UNC13B: variants seen among roughly 807,000 people sequenced by gnomAD.
The protein encoded by UNC13B is protein unc-13 homolog B.
Under a neutral mutation model 211.0 loss-of-function variants are expected in UNC13B, and 144 were observed. That is an observed-to-expected ratio of 0.68 (90% CI 0.60 to 0.78). The LOEUF (loss-of-function observed/expected upper bound fraction) is 0.78. UNC13B is among the 30% of genes least tolerant of loss of function. The probability of loss-of-function intolerance (pLI) is 0.00; values close to 1 mark genes in which losing one functional copy is unlikely to be tolerated. For synonymous variants in UNC13B, 709 were observed against 725.8 expected, an observed-to-expected ratio of 0.98 and a Z score of 0.37; for missense variants, 1,777 against 2,002.0, an observed-to-expected ratio of 0.89 and a Z score of 2.14.
chr9:35,279,403 C>G (rs147045959), intron 7 of UNC13B, among the ~76,000 whole-genome samples: 1 of 152,132 alleles, frequency 6.6e-6, no homozygotes, highest in Admixed American at 6.6e-5. Flanking sequence ...AATACTAATT[C>G]ATTGTACAGA....
At position 35,208,667 on chromosome 9, in the gene UNC13B, A is replaced by G. The variant is rs181606826; in HGVS notation, c.23-19348A>G. Among the ~76,000 whole-genome samples, 36 of 152,212 alleles carry G rather than the reference A, an allele frequency of 2.4e-4. 1 individual carries two copies. Among genetic ancestry groups the G allele is most frequent in the African/African-American group, 2.4e-5 (1 of 41,532 alleles). On this transcript the variant is annotated intron_variant, in intron 1 of 39. Transcript: ENST00000635942. Reference sequence around the variant, plus strand: ...AAACAACCAGATTTCATAACTCCTCATTCACTTGCCATCACCAGAACAGCA... The same window carrying G: ...AAACAACCAGATTTCATAACTCCTCGTTCACTTGCCATCACCAGAACAGCA...
At position 35,399,193 on chromosome 9, in the gene UNC13B, C is replaced by T. The variant is rs781569714; in HGVS notation, c.12107C>T (p.Thr4036Met). The change falls in exon 34 of 40, where the codon ACG becomes ATG. Residue 4036 changes from threonine (T) to methionine (M), a missense_variant. Thr to Met is a moderately conservative substitution (Grantham distance 81). Coordinates refer to ENST00000635942, the MANE Select transcript of UNC13B (RefSeq NM_001371189.2). ...LTLFATVCEK[T>M]VLKRVLKELW... is the part of the protein sequence containing the mutation. ...CTCTTTGCCACTGTGTGTGAGAAGACGGTTCTGAAGCGTGTACTGAAGGAG... is the reference window on the plus strand; with the variant it reads ...CTCTTTGCCACTGTGTGTGAGAAGATGGTTCTGAAGCGTGTACTGAAGGAG... 72 of 1,614,008 alleles carry T rather than the reference C, an allele frequency of 4.5e-5. No homozygotes were observed. The highest frequency in any genetic ancestry group is 5.4e-5 in the Non-Finnish European group (64 of 1,180,034).
chr9:35,277,469 C>T (rs1404248659), intron 7 of UNC13B, among the ~76,000 whole-genome samples: 1 of 152,192 alleles, frequency 6.6e-6, no homozygotes, highest in Non-Finnish European at 1.5e-5. Context: ...AGATGCCAGA[C>T]AGAGAACTGT....
intron 6 of UNC13B, among the ~76,000 whole-genome samples, chr9:35,247,519 A>G (rs1826176680): frequency 6.6e-6 from 1 of 152,108 alleles, no homozygotes; most frequent in African/African-American, 2.4e-5. Context: ...TTATTTTGAG[A>G]TACGTCCCAT....
chr9:35,190,483 G>A (rs1822592956), intron 1 of UNC13B, among the ~76,000 whole-genome samples: 1 of 152,152 alleles, frequency 6.6e-6, no homozygotes, highest in Non-Finnish European at 1.5e-5. Flanking sequence ...CTGAGCCTTT[G>A]ATTTTGAGAG....
At position 35,305,063 on chromosome 9, in the gene UNC13B, C is replaced by T. The variant is rs1052043168; in HGVS notation, c.5659C>T (p.Pro1887Ser). ...TACAACAGACTCTATTTCAGTTTCT[C>T]CTGCACCTCAGCATAGTGGGGATGA... ...IITTDSISVS[P>S]APQHSGDERE... Residue 1887 changes from proline to serine, a missense_variant, in exon 9 of 40, where the codon CCT becomes TCT. Transcript: ENST00000635942. The T allele has an allele frequency of 2.5e-6, 1 of 398,800 alleles. No individual in the cohort carries two copies. Among genetic ancestry groups the T allele is most frequent in the African/African-American group, 2.1e-5 (1 of 48,606 alleles). 24.7% of individuals were successfully genotyped at this position (398,800 alleles called of 1,614,324 possible).
intron 1 of UNC13B, among the ~76,000 whole-genome samples, chr9:35,162,772 C>G (rs1373769367): frequency 1.3e-5 from 2 of 152,212 alleles, no homozygotes; most frequent in Non-Finnish European, 2.9e-5. Flanking sequence ...GTCTTGTCCC[C>G]TGCCACTTCC....
In UNC13B at chr9:35,382,518, T is replaced by C. The variant is rs762130275; in HGVS notation, c.10806+11T>C. 3 of 1,603,668 alleles carry C rather than the reference T, an allele frequency of 1.9e-6. No individual in the cohort carries two copies. Among genetic ancestry groups the C allele is most frequent in the African/African-American group, 1.3e-5 (1 of 74,228 alleles). The stretch of plus-strand genomic sequence containing the variant: ...GCCTCCAACTTTGGGGTAAGTATCA[T>C]GTAAACACATATGTCTGCATTTGTT... On this transcript the variant is annotated intron_variant, in intron 21 of 39. Transcript: ENST00000635942.
Position 35,399,464 on chromosome 9 carries a change from G to A in UNC13B, c.12255+16G>A, listed in dbSNP as rs755827331. ...CAAACTCAAGGTACTCTGGGTGTGGGGTCCTCCTGGCAGGTGTGGTCCTTC... is the reference window on the plus strand; with the variant it reads ...CAAACTCAAGGTACTCTGGGTGTGGAGTCCTCCTGGCAGGTGTGGTCCTTC... On this transcript the variant is annotated intron_variant, in intron 35 of 39. Coordinates refer to ENST00000635942, the MANE Select transcript of UNC13B (RefSeq NM_001371189.2). 1.9e-6 allele frequency: 3 copies of A among 1,614,082 alleles called. No individual in the cohort carries two copies. Among genetic ancestry groups the A allele is most frequent in the South Asian group, 1.1e-5 (1 of 91,070 alleles).
rs1334938207 is a variant in UNC13B at position 35,305,462 on chromosome 9, A to G, written c.6058A>G (p.Met2020Val). Residue 2020 changes from methionine to valine, a missense_variant, in exon 9 of 40, where the codon ATG (methionine) becomes GTG (valine). Met to Val is a conservative substitution (Grantham distance 21). Transcript: ENST00000635942. ...TGAGGTCAGGTCAAGTCCTACTCCT[A>G]TGGAGCTAGCTAGCCAGGGTGCTGG... ...KDEVRSSPTP[M>V]ELASQGAGNF... The G allele has an allele frequency of 1.8e-5, 7 of 398,984 alleles. No individual in the cohort carries two copies. Among genetic ancestry groups the G allele is most frequent in the Non-Finnish European group, 3.1e-5 (7 of 226,036 alleles). The allele number at this position is 398,984 out of a possible 1,614,324, so 24.7% of individuals were successfully genotyped here. A position where few individuals can be genotyped will look rare whatever the true frequency, so the allele number is the denominator to read the frequency against.
intron 11 of UNC13B, among the ~76,000 whole-genome samples, chr9:35,329,680 G>C (rs1256031927): frequency 6.6e-6 from 1 of 151,922 alleles, no homozygotes; most frequent in Non-Finnish European, 1.5e-5. Flanking sequence ...GTGGAGATGG[G>C]GTTTCTCTAT....
intron 6 of UNC13B, among the ~76,000 whole-genome samples, chr9:35,253,327 A>G (rs2131599632): frequency 6.6e-6 from 1 of 152,054 alleles, no homozygotes; most frequent in African/African-American, 2.4e-5. Context: ...TTTTTTGTGG[A>G]GGTGGGGTCT....
chr9:35,400,655 T>C (rs1364044952), intron 37 of UNC13B, among the ~76,000 whole-genome samples: 3 of 152,196 alleles, frequency 2.0e-5, no homozygotes, highest in South Asian at 4.1e-4. Flanking sequence ...CTGGGAAATA[T>C]GTCTAAGATT....
chr9:35,343,536 C>A (rs1209400364), intron 11 of UNC13B, among the ~76,000 whole-genome samples: 1 of 152,082 alleles, frequency 6.6e-6, no homozygotes, highest in Non-Finnish European at 1.5e-5. Flanking sequence ...TAGGCTGGGG[C>A]CTTGATACTT....
intron 11 of UNC13B, among the ~76,000 whole-genome samples, chr9:35,358,785 C>T (rs1242932802): frequency 2.0e-5 from 3 of 151,122 alleles, no homozygotes; most frequent in Non-Finnish European, 4.4e-5. Context: ...CCTCCGCCTC[C>T]TGAGTTCGAG....
intron 6 of UNC13B, among the ~76,000 whole-genome samples, 189 bp from the exon 7 acceptor site, chr9:35,258,796 CCAGGGCCA>C (rs1420927523): frequency 1.3e-5 from 2 of 152,204 alleles, no homozygotes; most frequent in Non-Finnish European, 2.9e-5. Flanking sequence ...TCTCACTTGG[CCAGGGCCA>C]TAACCAATAG....
intron 1 of UNC13B, among the ~76,000 whole-genome samples, chr9:35,216,978 A>T (rs986902384): frequency 6.6e-6 from 1 of 152,198 alleles, no homozygotes; most frequent in Non-Finnish European, 1.5e-5. Context: ...ATGGAGATGG[A>T]GAGCAGATTA....
chr9:35,228,002 T>C lies in UNC13B; in HGVS notation c.23-13T>C. ...GAAACATTCTTCATGGTATCCTCTT[T>C]TTTCTCTTGCAGTTAAAAGGGCCAA... On this transcript the variant is annotated splice_polypyrimidine_tract_variant and intron_variant, in intron 1 of 39. Transcript: ENST00000635942. 1.2e-6 allele frequency: 2 copies of C among 1,611,538 alleles called. No individual in the cohort carries two copies. The highest frequency in any genetic ancestry group is 1.7e-6 in the Non-Finnish European group (2 of 1,178,880).
Position 35,352,689 on chromosome 9 carries a change from T to G in UNC13B, c.9415-14258T>G, listed in dbSNP as rs542699881. ...AACAATTTATCAAAGGAAAGTGATG[T>G]GCCCAAGCTAGGGGATGAAATAAAA... On this transcript the variant is annotated intron_variant, in intron 11 of 39. Coordinates refer to ENST00000635942, the MANE Select transcript of UNC13B (RefSeq NM_001371189.2). 116 of 1,232,110 alleles carry G rather than the reference T, an allele frequency of 9.4e-5. No individual in the cohort carries two copies. The East Asian group carries it at 3.5e-3, about 38-fold the overall frequency. 76.3% of individuals were successfully genotyped at this position (1,232,110 alleles called of 1,614,324 possible).
Sources: allele counts gnomAD v4.1 joint callset (sites outside exome capture counted in the v4.1 genomes callset), GRCh38; gene constraint gnomAD v4.1.1; transcripts MANE v1.5; gene names NCBI Gene and HGNC (gene_info 2026-07-23, HGNC 2026-07-21).